The following CPPED1 variants were observed in gnomAD, a reference collection of about 807,000 sequenced individuals.
CPPED1 encodes the protein calcineurin like phosphoesterase domain containing 1.
In CPPED1, 28 loss-of-function variants were observed where a neutral mutation model predicts 28.0. The ratio of observed to expected loss-of-function variants is 1.00; its 90% CI spans 0.74 to 1.37. CPPED1 has a LOEUF of 1.37. Among genes scored for constraint, CPPED1 ranks in the 40% most tolerant of loss-of-function variants. CPPED1 has a pLI of 0.00. For synonymous variants in CPPED1, 198 were observed against 180.2 expected (o/e 1.10, Z -0.79); for missense variants, 504 against 416.5 (o/e 1.21, Z -1.83).
At chr16:12,717,937 C>T (rs981411711) in intron 2 of CPPED1, among the ~76,000 whole-genome samples, 1 of 152,024 alleles carries the variant, frequency 6.6e-6, no homozygotes, top group Non-Finnish European at 1.5e-5. Context: ...CCACTGCACC[C>T]GACTTGTTCC....
intron 2 of CPPED1, among the ~76,000 whole-genome samples, chr16:12,706,458 CCCTTCCTT>C (rs150569980): frequency 2.0e-5 from 3 of 148,202 alleles, no homozygotes; most frequent in Non-Finnish European, 3.0e-5. Flanking sequence ...CTGCCTCTCT[CCCTTCCTT>C]CCTTCCTTCC....
At chr16:12,716,045 G>A (rs1435933334) in intron 2 of CPPED1, among the ~76,000 whole-genome samples, 1 of 152,200 alleles carries the variant, frequency 6.6e-6, no homozygotes, top group Non-Finnish European at 1.5e-5. Flanking sequence ...AAGTAACATG[G>A]ACTGAACAGA....
chr16:12,691,305 C>T (rs185102948), intron 3 of CPPED1, among the ~76,000 whole-genome samples: 5 of 152,216 alleles, frequency 3.3e-5, no homozygotes, highest in East Asian at 3.9e-4. Context: ...TTTTTTGAGA[C>T]GTAGTCTCAC....
At chr16:12,764,262 G>C (rs759415132) in intron 2 of CPPED1, among the ~76,000 whole-genome samples, 14 of 151,728 alleles carry the variant, frequency 9.2e-5, no homozygotes, top group Non-Finnish European at 1.9e-4. Flanking sequence ...AGAGTGCAGT[G>C]GTGCGATCTC....
chr16:12,785,874 G>A (rs1238351240), intron 1 of CPPED1, among the ~76,000 whole-genome samples: 1 of 151,282 alleles, frequency 6.6e-6, no homozygotes, highest in Admixed American at 6.6e-5. Flanking sequence ...AGCCATGGAA[G>A]TATGGATAAA....
chr16:12,787,431 A>G (rs1385238611), intron 1 of CPPED1, among the ~76,000 whole-genome samples: 6 of 139,248 alleles, frequency 4.3e-5, no homozygotes, highest in Non-Finnish European at 9.1e-5. Flanking sequence ...TTTGAGATGG[A>G]GTCTCACTCT....
At chr16:12,683,852 G>C (rs2141173844) in intron 3 of CPPED1, among the ~76,000 whole-genome samples, 1 of 152,324 alleles carries the variant, frequency 6.6e-6, no homozygotes, top group African/African-American at 2.4e-5. Flanking sequence ...AAAAAGAGGA[G>C]GTGAGCAGTC....
rs575733224 is a variant in CPPED1 at position 12,770,221 on chromosome 16, G to A, written c.289+10964C>T. Among the ~76,000 whole-genome samples the A allele has an allele frequency of 5.3e-5, 8 of 152,278 alleles. No homozygotes were observed. In the East Asian group the frequency reaches 7.7e-4, roughly 15 times the overall value. ...AACTGCTAAGAGAACGGCCTGGTGT[G>A]CTCTCAGTGCAAATGGCGCTGAGGC... On this transcript the variant is annotated intron_variant, in intron 2 of 3. Coordinates refer to ENST00000381774, the MANE Select transcript of CPPED1 (RefSeq NM_018340.3).
intron 3 of CPPED1, among the ~76,000 whole-genome samples, chr16:12,689,381 C>A (rs905844888): frequency 2.6e-5 from 3 of 114,774 alleles, no homozygotes; most frequent in African/African-American, 7.8e-5. Context: ...TGCACACCAC[C>A]ATGCCTGGCT....
At chr16:12,756,137 CAAAA>C (rs1165308331) in intron 2 of CPPED1, among the ~76,000 whole-genome samples, 1 of 144,252 alleles carries the variant, frequency 6.9e-6, no homozygotes, top group Non-Finnish European at 1.5e-5. Context: ...TCAAAAAAAA[CAAAA>C]AAAAATCGGA....
chr16:12,667,383 G>A (rs995491465), intron 3 of CPPED1, among the ~76,000 whole-genome samples: 35 of 152,156 alleles, frequency 2.3e-4, no homozygotes, highest in African/African-American at 8.4e-4. Context: ...TAAATTGAAT[G>A]AGAACAGGAG....
At chr16:12,705,729 G>A (rs1183853481) in intron 2 of CPPED1, among the ~76,000 whole-genome samples, 1 of 152,220 alleles carries the variant, frequency 6.6e-6, no homozygotes, top group Non-Finnish European at 1.5e-5. Flanking sequence ...TTGCACTCCA[G>A]CCTGGGCAAC....
At chr16:12,774,539 T>C (rs377664651) in intron 2 of CPPED1, among the ~76,000 whole-genome samples, 2 of 152,334 alleles carry the variant, frequency 1.3e-5, no homozygotes, top group Admixed American at 1.3e-4. Context: ...TCTCTTTTAT[T>C]AACTGACACA....
At chr16:12,712,235 GGTCCCT>G (rs1282473069) in intron 2 of CPPED1, among the ~76,000 whole-genome samples, 1 of 152,144 alleles carries the variant, frequency 6.6e-6, no homozygotes, top group African/African-American at 2.4e-5. Flanking sequence ...AGCCCTAAGA[GGTCCCT>G]GGAAACAGAG....
chr16:12,695,466 T>C (rs1356955199), intron 3 of CPPED1, among the ~76,000 whole-genome samples: 1 of 152,082 alleles, frequency 6.6e-6, no homozygotes, highest in Non-Finnish European at 1.5e-5. Flanking sequence ...AGACAGAGTC[T>C]CACTATGTTG....
At chr16:12,753,873 G>C (rs1052839153) in intron 2 of CPPED1, 1 of 152,228 alleles carries the variant, frequency 6.6e-6, no homozygotes, top group African/African-American at 2.4e-5. Flanking sequence ...CAGGAAAAGA[G>C]GAAATGAAGC....
intron 2 of CPPED1, among the ~76,000 whole-genome samples, chr16:12,766,592 A>G (rs1210036138): frequency 6.6e-6 from 1 of 152,140 alleles, no homozygotes; most frequent in East Asian, 1.9e-4. Flanking sequence ...ATTCAAGATG[A>G]GATGTGGGTG....
intron 1 of CPPED1, among the ~76,000 whole-genome samples, chr16:12,782,182 C>A (rs1276247312): frequency 4.6e-5 from 7 of 152,144 alleles, no homozygotes; most frequent in Admixed American, 4.6e-4. Flanking sequence ...TCTGCCAGAA[C>A]TGCCGCGCCA....
intron 2 of CPPED1, among the ~76,000 whole-genome samples, chr16:12,777,485 T>C (rs1427692734): frequency 6.6e-6 from 1 of 152,204 alleles, no homozygotes; most frequent in East Asian, 1.9e-4. Context: ...GGTCTCAGTA[T>C]TTGCACAAAT....
Sources: gnomAD v4.1 joint callset for allele counts (sites outside exome capture counted in the v4.1 genomes callset) on GRCh38, gnomAD v4.1.1 for gene constraint, MANE v1.5 for transcripts, NCBI Gene and HGNC (gene_info 2026-07-23, HGNC 2026-07-21) for gene names.